The following NCKAP5L variants were observed in gnomAD, a reference collection of about 807,000 sequenced individuals.
NCKAP5L encodes the protein NCK associated protein 5 like, also known as nck-associated protein 5-like.
A neutral mutation model predicts 103.2 loss-of-function variants in NCKAP5L; 54 were observed. The observed-to-expected ratio is 0.52, with a 90% confidence interval of 0.42 to 0.66. The LOEUF is 0.66. NCKAP5L is among the 30% of genes least tolerant of loss of function. NCKAP5L has a pLI of 0.00. For synonymous variants in NCKAP5L, 762 were observed against 748.6 expected (o/e 1.02, Z -0.29); for missense variants, 1,733 against 1,750.6 (o/e 0.99, Z 0.18).
At position 49,796,331 on chromosome 12, in the gene NCKAP5L, T is replaced by G. The variant is rs756184614; in HGVS notation, c.1529A>C (p.Glu510Ala). 1.9e-6 allele frequency: 3 copies of G among 1,545,746 alleles called. No homozygotes were observed. The highest frequency in any genetic ancestry group is 2.0e-5 in the Admixed American group (1 of 50,168). The change falls in exon 8 of 13, where the codon GAG becomes GCG. Residue 510 changes from glutamate to alanine, a missense_variant. Physicochemically the swap from Glu to Ala is moderately radical, Grantham distance 107. Coordinates refer to ENST00000335999, the MANE Select transcript of NCKAP5L (RefSeq NM_001037806.4). Reference sequence around the variant, plus strand: ...GCCTTGCGCCCCCTCTGGGGACAGCTCTCCTCCACCCAGACCCCTTCGGGC... The same window carrying G: ...GCCTTGCGCCCCCTCTGGGGACAGCGCTCCTCCACCCAGACCCCTTCGGGC... ...LLARRGLGGG[E>A]LSPEGAQGLP... is the part of the protein sequence containing the mutation.
Position 49,792,012 on chromosome 12 carries a change from G to A in NCKAP5L, c.3832C>T (p.Arg1278Cys), listed in dbSNP as rs534363616. ...VDRKRSQEPSRPSPTPQGPPF... is the reference protein window; with the variant it reads ...VDRKRSQEPSCPSPTPQGPPF... The stretch of plus-strand genomic sequence containing the variant: ...GGGCCCTGGGGCGTAGGGGACGGGC[G>A]GCTGGGCTCCTGGCTTCGCTTCCGG... Residue 1278 changes from arginine to cysteine, a missense_variant, in exon 13 of 13, where the codon CGC becomes TGC. Physicochemically the swap from Arg to Cys is radical, Grantham distance 180. Coordinates refer to ENST00000335999, the MANE Select transcript of NCKAP5L (RefSeq NM_001037806.4). The surrounding 1 kb of genome is among the most constrained non-coding windows in gnomAD (Gnocchi z 4.5). The A allele has an allele frequency of 1.5e-5, 23 of 1,573,570 alleles. No homozygotes were observed. The highest frequency in any genetic ancestry group is 2.1e-4 in the Middle Eastern group (1 of 4,874).
chr12:49,793,044 TG>T (rs1945966955), intron 10 of NCKAP5L, 58 bp from the exon 11 acceptor site: 2 of 1,319,838 alleles, frequency 1.5e-6, no homozygotes, highest in Non-Finnish European at 2.0e-6. Context: ...GTCCCCGGCC[TG>T]CCTCCACTTC....
chr12:49,820,505 C>G (rs966326919), intron 1 of NCKAP5L, among the ~76,000 whole-genome samples: 3 of 151,984 alleles, frequency 2.0e-5, no homozygotes, highest in Non-Finnish European at 2.9e-5. Flanking sequence ...TTAGTAGAGA[C>G]GGTGTTTCAC....
intron 9 of NCKAP5L, 124 bp from the exon 10 acceptor site, chr12:49,793,557 T>C (rs553313739): frequency 3.2e-6 from 4 of 1,243,734 alleles, no homozygotes; most frequent in East Asian, 5.0e-5. Context: ...CCCAGGAGTA[T>C]GGATCTGAGA....
At chr12:49,826,276 C>G (rs1444825229) in intron 1 of NCKAP5L, among the ~76,000 whole-genome samples, 1 of 152,002 alleles carries the variant, frequency 6.6e-6, no homozygotes, top group African/African-American at 2.4e-5. Flanking sequence ...GAGACGTAAA[C>G]TGTCTCCTGG....
chr12:49,794,988 C>A lies in NCKAP5L; in HGVS notation c.2872G>T (p.Ala958Ser). 6.3e-7 allele frequency: 1 copy of A among 1,594,530 alleles called. No homozygotes were observed. Among genetic ancestry groups the A allele is most frequent in the South Asian group, 1.1e-5 (1 of 88,702 alleles). The change falls in exon 8 of 13, where the codon GCC becomes TCC. Residue 958 changes from alanine (A) to serine (S), a missense_variant. By Grantham distance (99) the Ala-to-Ser change is moderately conservative. Coordinates refer to ENST00000335999, the MANE Select transcript of NCKAP5L (RefSeq NM_001037806.4). ...SPLRREVKME[A>S]RKLEAESLNI... ...AGGCTCTCGGCCTCCAGCTTCCGGG[C>A]TTCCATCTTGACTTCCCTCCGGAGC...
chr12:49,793,930 G>A, intron 8 of NCKAP5L, 34 bp from the exon 9 acceptor site: 1 of 1,438,880 alleles, frequency 6.9e-7, no homozygotes, highest in South Asian at 1.6e-5. Flanking sequence ...GGTGAGGGTG[G>A]TCTTGCCTGC....
At position 49,797,245 on chromosome 12, in the gene NCKAP5L, G is replaced by C; in HGVS notation, c.615C>G (p.Leu205=). Residue 205 remains leucine (L), a synonymous_variant, in exon 8 of 13, where the codon CTC becomes CTG. Coordinates refer to ENST00000335999, the MANE Select transcript of NCKAP5L (RefSeq NM_001037806.4). This position sits in a 1 kb window ranked among gnomAD's most constrained non-coding sequence, Gnocchi z 4.5. ...RALEETDPLL[L]CSPATPWRPP... is the part of the protein sequence containing the mutation. ...GCCGCCAGGGGGTGGCAGGTGAGCA[G>C]AGAAGCAAGGGGTCAGTCTCTTCCA... 4 of 1,613,584 alleles carry C rather than the reference G, an allele frequency of 2.5e-6. No individual in the cohort carries two copies. The highest frequency in any genetic ancestry group is 3.4e-6 in the Non-Finnish European group (4 of 1,179,830).
In NCKAP5L at chr12:49,801,863, TG is replaced by T. The variant is rs763065966; in HGVS notation, c.335del (p.Thr112LysfsTer24). The T allele has an allele frequency of 2.5e-6, 4 of 1,613,998 alleles. No individual in the cohort carries two copies. The highest frequency in any genetic ancestry group is 3.4e-6 in the Non-Finnish European group (4 of 1,179,878). ...AGATGCCTACCTGAGGGAGCGAGCC[TG>T]TCGTGAGCTGGAGTTTCTGCTGAAA... ...ALFQQKLQLT[T>X]GSLPQIPLTP... On this transcript the variant is annotated frameshift_variant, in exon 6 of 13. Coordinates refer to ENST00000335999, the MANE Select transcript of NCKAP5L (RefSeq NM_001037806.4). LOFTEE classifies it high-confidence loss of function.
Position 49,795,853 on chromosome 12 carries a change from C to A in NCKAP5L, c.2007G>T (p.Gly669=). ...TPLRDRLAAL[G]KLKTGPEGAL... is the part of the protein sequence containing the mutation. ...CCCCCTCGGGGCCTGTCTTCAGCTTCCCCAGGGCCGCCAGTCTGTCCCGCA... is the reference window on the plus strand; with the variant it reads ...CCCCCTCGGGGCCTGTCTTCAGCTTACCCAGGGCCGCCAGTCTGTCCCGCA... Residue 669 remains glycine (G), a synonymous_variant, in exon 8 of 13, where the codon GGG becomes GGT. Transcript: ENST00000335999. The A allele has an allele frequency of 6.4e-7, 1 of 1,566,642 alleles. No individual in the cohort carries two copies. The highest frequency in any genetic ancestry group is 2.0e-5 in the Admixed American group (1 of 51,202).
chr12:49,827,993 A>AGAGG (rs947568775), intron 1 of NCKAP5L, among the ~76,000 whole-genome samples: 8 of 151,232 alleles, frequency 5.3e-5, no homozygotes, highest in Non-Finnish European at 1.0e-4. Context: ...GTGCTTTCAA[A>AGAGG]GAGGGAGGGG....
Position 49,797,467 on chromosome 12 carries a change from G to A in NCKAP5L, c.466-73C>T. 1.6e-6 allele frequency: 2 copies of A among 1,229,538 alleles called. No homozygotes were observed. The highest frequency in any genetic ancestry group is 2.2e-6 in the Non-Finnish European group (2 of 889,104). 76.2% of individuals were successfully genotyped at this position (1,229,538 alleles called of 1,614,324 possible). Reference sequence around the variant, plus strand: ...ATCCAGTTCCAGGCCCAGGCCCTGGGCTGGCTTAACAGGGAATGCCAGGAA... The same window carrying A: ...ATCCAGTTCCAGGCCCAGGCCCTGGACTGGCTTAACAGGGAATGCCAGGAA... On this transcript the variant is annotated intron_variant, in intron 7 of 12. Coordinates refer to ENST00000335999, the MANE Select transcript of NCKAP5L (RefSeq NM_001037806.4). This position sits in a 1 kb window ranked among gnomAD's most constrained non-coding sequence, Gnocchi z 4.5.
intron 1 of NCKAP5L, among the ~76,000 whole-genome samples, chr12:49,825,796 A>G (rs1444914520): frequency 1.3e-5 from 2 of 152,184 alleles, no homozygotes; most frequent in Non-Finnish European, 2.9e-5. Flanking sequence ...TAACCCAGGG[A>G]GAATGTGCCC....
Position 49,796,819 on chromosome 12 carries a change from T to C in NCKAP5L, c.1041A>G (p.Ala347=), listed in dbSNP as rs761975181. ...SYLQAFLAGA[A]GPLNGDHPGP... is the part of the protein sequence containing the mutation. ...CTGGGTGGTCCCCATTGAGTGGGCC[T>C]GCAGCCCCGGCCAGGAAGGCCTGTA... Residue 347 remains alanine, a synonymous_variant, in exon 8 of 13, where the codon GCA becomes GCG. Transcript: ENST00000335999. 1.9e-5 allele frequency: 31 copies of C among 1,613,398 alleles called. No homozygotes were observed. The South Asian group carries it at 3.2e-4, about 17-fold the overall frequency.
intron 1 of NCKAP5L, among the ~76,000 whole-genome samples, chr12:49,815,098 G>T (rs569633522): frequency 1.3e-5 from 2 of 152,314 alleles, no homozygotes; most frequent in South Asian, 2.1e-4. Flanking sequence ...TCATCACTTG[G>T]TTAGGCAGTA....
intron 1 of NCKAP5L, among the ~76,000 whole-genome samples, chr12:49,826,478 C>T (rs899749534): frequency 1.3e-5 from 2 of 152,150 alleles, no homozygotes; most frequent in African/African-American, 4.8e-5. Context: ...GGAATCTGTT[C>T]TCTCTACCCA....
In NCKAP5L at chr12:49,794,745, G is replaced by T; in HGVS notation, c.3095+20C>A. On this transcript the variant is annotated intron_variant, in intron 8 of 12. Coordinates refer to ENST00000335999, the MANE Select transcript of NCKAP5L (RefSeq NM_001037806.4). The stretch of plus-strand genomic sequence containing the variant: ...GCCCCAAGCCCACCAAGCCCCTGTT[G>T]ACTGATCCCAGGACCTCACCTGTTT... 1 of 1,463,914 alleles carries T rather than the reference G, an allele frequency of 6.8e-7. No individual in the cohort carries two copies. The highest frequency in any genetic ancestry group is 1.4e-5 in the South Asian group (1 of 70,092). The allele number at this position is 1,463,914 out of a possible 1,614,324, so 90.7% of individuals were successfully genotyped here.
chr12:49,812,916 T>C (rs1337528634), intron 1 of NCKAP5L, among the ~76,000 whole-genome samples: 2 of 152,238 alleles, frequency 1.3e-5, no homozygotes, highest in Non-Finnish European at 2.9e-5. Context: ...AGTATTTGCA[T>C]AAAACCTAAA....
At chr12:49,793,543 AG>A in intron 9 of NCKAP5L, 110 bp from the exon 10 acceptor site, 1 of 1,274,260 alleles carries the variant, frequency 7.8e-7, no homozygotes, top group African/African-American at 1.5e-5. Context: ...TATGAGGATT[AG>A]GGCCCAGGAG....
Sources: gnomAD v4.1 joint callset for allele counts (sites outside exome capture counted in the v4.1 genomes callset) on GRCh38, gnomAD v4.1.1 for gene constraint, Gnocchi (gnomAD v3.1) non-coding constraint, MANE v1.5 for transcripts, NCBI Gene and HGNC (gene_info 2026-07-23, HGNC 2026-07-21) for gene names.